MTNAP1: variants seen among roughly 807,000 people sequenced by gnomAD.
MTNAP1 encodes mitochondrial nucleoid-associated protein 1.
chr17:73,246,033 C>T, the MTNAP1 span, among the ~76,000 whole-genome samples: 1 of 152,024 alleles, frequency 6.6e-6, no homozygotes, highest in Non-Finnish European at 1.5e-5. Flanking sequence ...TGCTTTGGCC[C>T]ACAGAGAGTA....
the MTNAP1 span, chr17:73,236,704 G>A: frequency 8.7e-6 from 14 of 1,614,046 alleles, no homozygotes; most frequent in African/African-American, 5.3e-5. Flanking sequence ...GGAGAGTCCC[G>A]AGGGACAGTT....
chr17:73,245,150 GTC>G, the MTNAP1 span: 1 of 1,613,436 alleles, frequency 6.2e-7, no homozygotes, highest in African/African-American at 1.3e-5. Context: ...CCTTACATTT[GTC>G]TCTGTTTATC....
chr17:73,242,217 G>T, the MTNAP1 span: 1 of 1,476,732 alleles, frequency 6.8e-7, no homozygotes, highest in South Asian at 1.2e-5. Context: ...GGTAAACAAT[G>T]ACAGTGACTT....
At chr17:73,235,551 C>T in the MTNAP1 span, 1 of 1,613,824 alleles carries the variant, frequency 6.2e-7, no homozygotes, top group African/African-American at 1.3e-5. Context: ...GATTAAAATC[C>T]CACTTGCCAT....
chr17:73,242,865 G>A, the MTNAP1 span: 1 of 1,582,468 alleles, frequency 6.3e-7, no homozygotes, highest in Non-Finnish European at 8.6e-7. Flanking sequence ...TTCAGTTGCT[G>A]TAACAACAAG....
At chr17:73,243,048 G>GT in the MTNAP1 span, 1 of 1,363,792 alleles carries the variant, frequency 7.3e-7, no homozygotes, top group Non-Finnish European at 1.0e-6. Context: ...GTCCCATTCC[G>GT]TTATGTGGAC....
the MTNAP1 span, chr17:73,242,993 C>T: frequency 6.2e-7 from 1 of 1,612,684 alleles, no homozygotes; most frequent in East Asian, 2.2e-5. Context: ...GCTGGAGTTT[C>T]AGACGTCTGA....
At chr17:73,236,136 A>G in the MTNAP1 span, 1 of 1,614,222 alleles carries the variant, frequency 6.2e-7, no homozygotes, top group Non-Finnish European at 8.5e-7. Flanking sequence ...AACTTCTAGT[A>G]AAATTACTAG....
chr17:73,234,446 C>T, the MTNAP1 span, among the ~76,000 whole-genome samples: 1 of 112,444 alleles, frequency 8.9e-6, no homozygotes, highest in African/African-American at 3.2e-5. Flanking sequence ...AATCCCAGCA[C>T]ACTGGAAGGC....
chr17:73,245,258 ATACT>A, the MTNAP1 span: 1 of 1,583,792 alleles, frequency 6.3e-7, no homozygotes, highest in East Asian at 2.3e-5. Flanking sequence ...ACTGCAATAC[ATACT>A]TAACAGTTTA....
the MTNAP1 span, chr17:73,245,468 G>A: frequency 9.0e-7 from 1 of 1,110,064 alleles, no homozygotes. Context: ...CCATAAAGTT[G>A]TTATTCAAGG....
At chr17:73,242,549 A>G in the MTNAP1 span, among the ~76,000 whole-genome samples, 23 of 152,254 alleles carry the variant, frequency 1.5e-4, no homozygotes, top group South Asian at 8.3e-4. Context: ...AACAGCTACC[A>G]TTTATTCAAC....
chr17:73,241,992 G>A, the MTNAP1 span, among the ~76,000 whole-genome samples: 3 of 152,130 alleles, frequency 2.0e-5, no homozygotes, highest in Non-Finnish European at 4.4e-5. Flanking sequence ...ACCTGGCCAG[G>A]GTACTCAGCA....
At chr17:73,239,449 C>G in the MTNAP1 span, among the ~76,000 whole-genome samples, 1 of 151,846 alleles carries the variant, frequency 6.6e-6, no homozygotes. Context: ...TCATTTAATC[C>G]TCATAACAGC....
At chr17:73,239,094 G>A in the MTNAP1 span, among the ~76,000 whole-genome samples, 1 of 151,908 alleles carries the variant, frequency 6.6e-6, no homozygotes, top group South Asian at 2.1e-4. Context: ...GCGCCACCAC[G>A]CCCGGCTAAT....
At chr17:73,236,798 C>T in the MTNAP1 span, 9 of 1,614,160 alleles carry the variant, frequency 5.6e-6, no homozygotes, top group Middle Eastern at 1.6e-4. Flanking sequence ...CAGCGTCACA[C>T]TCCTCAGAGC....
the MTNAP1 span, chr17:73,248,817 G>T: frequency 5.4e-6 from 2 of 369,098 alleles, no homozygotes; most frequent in South Asian, 6.6e-5. Context: ...GGAATGTGTA[G>T]TTTTTCTAAT....
chr17:73,248,578 T>C, the MTNAP1 span: 1 of 1,544,650 alleles, frequency 6.5e-7, no homozygotes, highest in Admixed American at 2.0e-5. Context: ...TCCATACACG[T>C]AATCCATATT....
the MTNAP1 span, chr17:73,247,121 C>T: frequency 1.2e-6 from 1 of 831,466 alleles, no homozygotes; most frequent in Non-Finnish European, 1.9e-6. Flanking sequence ...AAAACAAGCC[C>T]TGCTCATTTG....
Sources: gnomAD v4.1 joint callset for allele counts (sites outside exome capture counted in the v4.1 genomes callset) on GRCh38, gnomAD v4.1.1 for gene constraint, MANE v1.5 for transcripts, NCBI Gene and HGNC (gene_info 2026-07-23, HGNC 2026-07-21) for gene names.